SDC2: variants seen among roughly 807,000 people sequenced by gnomAD.
The protein encoded by SDC2 is syndecan 2.
In SDC2, 13 loss-of-function variants were observed where a neutral mutation model predicts 22.2. The observed-to-expected ratio is 0.59, with a 90% CI of 0.38 to 0.93. SDC2 has a LOEUF of 0.93. Ranked by LOEUF, SDC2 falls within the 40% of genes least tolerant of loss-of-function variation. SDC2 has a pLI of 0.00. For synonymous variants in SDC2, 94 were observed against 92.8 expected, an observed-to-expected ratio of 1.01 and a Z score of -0.07; for missense variants, 235 against 246.8, an observed-to-expected ratio of 0.95 and a Z score of 0.32.
intron 1 of SDC2, among the ~76,000 whole-genome samples, chr8:96,589,453 C>T (rs951110649): frequency 2.0e-5 from 3 of 152,166 alleles, no homozygotes; most frequent in Non-Finnish European, 4.4e-5. Flanking sequence ...TGCTCTGTCT[C>T]CCAGGCTGGA....
chr8:96,558,280 T>C (rs760484683), intron 1 of SDC2, among the ~76,000 whole-genome samples: 17 of 151,958 alleles, frequency 1.1e-4, no homozygotes, highest in Non-Finnish European at 2.4e-4. Flanking sequence ...GGGTCGGGGG[T>C]TCTGGCTCAG....
chr8:96,602,096 G>A (rs1406240449), intron 2 of SDC2, among the ~76,000 whole-genome samples: 1 of 152,142 alleles, frequency 6.6e-6, no homozygotes, highest in East Asian at 1.9e-4. Context: ...ACGTTTCAGT[G>A]TAGATGGGAA....
intron 2 of SDC2, among the ~76,000 whole-genome samples, chr8:96,602,178 C>T (rs1343487391): frequency 6.6e-6 from 1 of 152,192 alleles, no homozygotes; most frequent in Non-Finnish European, 1.5e-5. Flanking sequence ...CAGGATAATA[C>T]TATTAAGGAA....
chr8:96,586,399 C>T (rs1347606), intron 1 of SDC2: 123,540 of 152,162 alleles, frequency 0.81, 50,945 homozygotes, highest in Non-Finnish European at 0.89. Flanking sequence ...AACACAACGG[C>T]GGTCAAGGGA....
At position 96,494,197 on chromosome 8, in the gene SDC2, G is replaced by A; in HGVS notation, c.-75G>A. 1 of 1,443,066 alleles carries A rather than the reference G, an allele frequency of 6.9e-7. No individual in the cohort carries two copies. The highest frequency in any genetic ancestry group is 1.2e-5 in the South Asian group (1 of 80,774). The allele number at this position is 1,443,066 out of a possible 1,614,324, so 89.4% of individuals were successfully genotyped here. A position where few individuals can be genotyped will look rare whatever the true frequency, so the allele number is the denominator to read the frequency against. Reference sequence around the variant, plus strand: ...CTCCGGATTCGTGTGCGCGGGCTGCGCCGAGCGCTGGGCAGGAGGCTTCGT... The same window carrying A: ...CTCCGGATTCGTGTGCGCGGGCTGCACCGAGCGCTGGGCAGGAGGCTTCGT... On this transcript the variant is annotated 5_prime_UTR_variant, in exon 1 of 5. Transcript: ENST00000302190.
At chr8:96,521,286 T>C (rs1427619223) in intron 1 of SDC2, among the ~76,000 whole-genome samples, 4 of 152,226 alleles carry the variant, frequency 2.6e-5, no homozygotes, top group African/African-American at 2.4e-5. Context: ...TCAAATAACA[T>C]TTTATTAGTG....
chr8:96,531,322 T>C (rs1813658236), intron 1 of SDC2, among the ~76,000 whole-genome samples: 1 of 152,238 alleles, frequency 6.6e-6, no homozygotes, highest in Admixed American at 6.5e-5. Context: ...TTAGAACTTT[T>C]ATAGGGCACG....
intron 1 of SDC2, among the ~76,000 whole-genome samples, chr8:96,548,506 A>T (rs2130531151): frequency 6.6e-6 from 1 of 152,356 alleles, no homozygotes; most frequent in South Asian, 2.1e-4. Context: ...TCATTCTAAG[A>T]GTCACAGATG....
At chr8:96,583,423 G>C (rs1046785553) in intron 1 of SDC2, among the ~76,000 whole-genome samples, 1 of 104,646 alleles carries the variant, frequency 9.6e-6, no homozygotes, top group Non-Finnish European at 1.9e-5. Context: ...TCTTGTGTTT[G>C]GATGTATTCG....
At chr8:96,521,677 G>A (rs1190234177) in intron 1 of SDC2, among the ~76,000 whole-genome samples, 1 of 152,270 alleles carries the variant, frequency 6.6e-6, no homozygotes, top group Middle Eastern at 3.4e-3. Flanking sequence ...CATCTGTGTC[G>A]GGTATTGAGC....
chr8:96,553,024 G>A (rs1814051948), intron 1 of SDC2, among the ~76,000 whole-genome samples: 1 of 152,092 alleles, frequency 6.6e-6, no homozygotes, highest in African/African-American at 2.4e-5. Context: ...TTAGATGTGG[G>A]GTTGTATGTA....
At position 96,589,114 on chromosome 8, in the gene SDC2, A is replaced by G. The variant is rs117515608; in HGVS notation, c.61-4366A>G. Among the ~76,000 whole-genome samples the G allele has an allele frequency of 1.3e-3, 204 of 152,344 alleles. 5 individuals are homozygous for G. The East Asian group carries it at 0.03, about 22-fold the overall frequency. On this transcript the variant is annotated intron_variant, in intron 1 of 4. Coordinates refer to ENST00000302190, the MANE Select transcript of SDC2 (RefSeq NM_002998.4). ...TCATTTTTATTACAACTACCGTATA[A>G]GTTTGGGCTGAATCATTTTATCAAA...
intron 1 of SDC2, among the ~76,000 whole-genome samples, chr8:96,501,461 G>A (rs1245680173): frequency 2.6e-5 from 4 of 151,338 alleles, no homozygotes; most frequent in Non-Finnish European, 1.5e-5. Flanking sequence ...ACACCACCAC[G>A]CCTGGCTATT....
At chr8:96,596,836 G>T (rs976568420) in intron 2 of SDC2, among the ~76,000 whole-genome samples, 36 of 152,220 alleles carry the variant, frequency 2.4e-4, no homozygotes, top group African/African-American at 8.7e-4. Context: ...AGCTAGTGGG[G>T]ACAGACTTGG....
intron 1 of SDC2, among the ~76,000 whole-genome samples, chr8:96,553,898 A>G (rs1257669220): frequency 6.6e-5 from 10 of 151,884 alleles, no homozygotes; most frequent in Non-Finnish European, 1.2e-4. Context: ...TCAGCCTCCC[A>G]AGTAACTGGG....
intron 1 of SDC2, among the ~76,000 whole-genome samples, chr8:96,525,721 G>A (rs1298819474): frequency 6.6e-6 from 1 of 152,088 alleles, no homozygotes; most frequent in Non-Finnish European, 1.5e-5. Flanking sequence ...TGATCTCCGA[G>A]GGCATCTCTT....
chr8:96,591,003 G>T (rs1292797319), intron 1 of SDC2, among the ~76,000 whole-genome samples: 1 of 152,172 alleles, frequency 6.6e-6, no homozygotes, highest in Middle Eastern at 3.2e-3. Context: ...GGCTGTCCCA[G>T]GAAGTCAGTT....
intron 1 of SDC2, among the ~76,000 whole-genome samples, chr8:96,556,022 A>G (rs960153116): frequency 9.3e-5 from 14 of 150,486 alleles, no homozygotes; most frequent in African/African-American, 3.5e-4. Flanking sequence ...TTTGGAATGA[A>G]TTATTAGAAT....
At chr8:96,519,158 G>A (rs867131073) in intron 1 of SDC2, among the ~76,000 whole-genome samples, 4 of 152,136 alleles carry the variant, frequency 2.6e-5, no homozygotes, top group Middle Eastern at 3.4e-3. Flanking sequence ...GGGAGAGAGG[G>A]GGTTTGCTCT....
Sources: gnomAD v4.1 joint callset for allele counts (sites outside exome capture counted in the v4.1 genomes callset) on GRCh38, gnomAD v4.1.1 for gene constraint, MANE v1.5 for transcripts, NCBI Gene and HGNC (gene_info 2026-07-23, HGNC 2026-07-21) for gene names.